FAM117B: variants seen among roughly 807,000 people sequenced by gnomAD.
FAM117B encodes the protein family with sequence similarity 117 member B.
FAM117B carries 22 observed loss-of-function variants against 52.8 expected under a neutral mutation model. That is an observed-to-expected ratio of 0.42 (90% CI 0.30 to 0.59). The LOEUF is 0.59. Ranked by LOEUF, FAM117B falls within the 20% of genes least tolerant of loss-of-function variation. The pLI, the probability that FAM117B is intolerant of heterozygous loss-of-function variation, is 0.22. For missense variants in FAM117B, 678 were observed against 802.6 expected (o/e 0.84, Z 1.88); for synonymous variants, 309 against 324.1 (o/e 0.95, Z 0.50).
chr2:202,744,571 GC>G (rs1472251459), intron 4 of FAM117B, among the ~76,000 whole-genome samples: 1 of 152,062 alleles, frequency 6.6e-6, no homozygotes, highest in African/African-American at 2.4e-5. Flanking sequence ...AAGTTTTTCA[GC>G]CAAAACTTTA....
At chr2:202,724,335 G>A (rs539948419) in intron 2 of FAM117B, among the ~76,000 whole-genome samples, 19 of 152,204 alleles carry the variant, frequency 1.2e-4, no homozygotes, top group Non-Finnish European at 2.1e-4. Context: ...GAGCCACCGC[G>A]CCCAGCCAGG....
intron 2 of FAM117B, among the ~76,000 whole-genome samples, chr2:202,722,760 A>G (rs1271892522): frequency 2.0e-5 from 3 of 152,134 alleles, no homozygotes; most frequent in African/African-American, 7.2e-5. Context: ...AATCTGTACA[A>G]CAAACCCCCA....
chr2:202,660,209 C>G (rs904496833), intron 1 of FAM117B, among the ~76,000 whole-genome samples: 10 of 151,912 alleles, frequency 6.6e-5, no homozygotes, highest in Admixed American at 5.9e-4. Flanking sequence ...ATTCCAAAAT[C>G]TGAGCCATCT....
chr2:202,696,172 C>A, intron 2 of FAM117B, 140 bp downstream of exon 2: 2 of 877,010 alleles, frequency 2.3e-6, no homozygotes, highest in Non-Finnish European at 3.2e-6. Context: ...AGAGCAGATT[C>A]CAAGCCTGAC....
chr2:202,667,992 A>T (rs1690230495), intron 1 of FAM117B, among the ~76,000 whole-genome samples: 1 of 150,922 alleles, frequency 6.6e-6, no homozygotes, highest in African/African-American at 2.4e-5. Flanking sequence ...GGAGGCCCAG[A>T]TGGGAAGATT....
chr2:202,722,997 A>G (rs1480376144), intron 2 of FAM117B, among the ~76,000 whole-genome samples: 1 of 152,180 alleles, frequency 6.6e-6, no homozygotes, highest in Non-Finnish European at 1.5e-5. Context: ...GGATCCTAAT[A>G]TGAGAAATTA....
In FAM117B at chr2:202,678,009, T is replaced by G. The variant is rs551480772; in HGVS notation, c.602-17872T>G. ...CAACTCACAAAGCAAAAGAGTTGTT[T>G]GTAGTTCTGGATGATACATCAGGAG... is the stretch of plus-strand genomic sequence containing the variant. On this transcript the variant is annotated intron_variant, in intron 1 of 7. Coordinates refer to ENST00000392238, the MANE Select transcript of FAM117B (RefSeq NM_173511.4). 3.2e-4 allele frequency among the ~76,000 whole-genome samples: 49 copies of G among 152,304 alleles called. 1 individual carries two copies. In the South Asian group the frequency reaches 6.6e-3, roughly 21 times the overall value.
At chr2:202,760,355 A>C (rs1691867415) in intron 7 of FAM117B, among the ~76,000 whole-genome samples, 1 of 152,182 alleles carries the variant, frequency 6.6e-6, no homozygotes, top group Admixed American at 6.5e-5. Flanking sequence ...GCTAGGTCGG[A>C]GTTCCTGCCG....
At chr2:202,687,510 A>G (rs1690559994) in intron 1 of FAM117B, among the ~76,000 whole-genome samples, 1 of 152,184 alleles carries the variant, frequency 6.6e-6, no homozygotes, top group Admixed American at 6.5e-5. Flanking sequence ...GCTGGGCTCA[A>G]GCAATATTCC....
At chr2:202,725,109 G>A (rs536976636) in intron 3 of FAM117B, 100 bp downstream of exon 3, 2 of 843,906 alleles carry the variant, frequency 2.4e-6, no homozygotes, top group East Asian at 5.6e-5. Flanking sequence ...GTTTTCCATT[G>A]ATTTCTTTTT....
intron 1 of FAM117B, among the ~76,000 whole-genome samples, chr2:202,636,030 G>A (rs1689681486): frequency 1.5e-5 from 2 of 137,140 alleles, no homozygotes; most frequent in South Asian, 5.2e-4. Flanking sequence ...CGGCTCCCTG[G>A]TGGTGGAGGT....
At chr2:202,712,253 C>T (rs1690969733) in intron 2 of FAM117B, among the ~76,000 whole-genome samples, 1 of 151,898 alleles carries the variant, frequency 6.6e-6, no homozygotes, top group South Asian at 2.1e-4. Flanking sequence ...AGAGATCTTT[C>T]ACTTCTTTGG....
intron 1 of FAM117B, among the ~76,000 whole-genome samples, chr2:202,668,647 TAAATA>T (rs1400205133): frequency 5.4e-5 from 8 of 146,870 alleles, no homozygotes; most frequent in African/African-American, 1.5e-4. Context: ...AATAAATAAA[TAAATA>T]AAATAAAAGA....
At chr2:202,679,295 A>T (rs1690428009) in intron 1 of FAM117B, among the ~76,000 whole-genome samples, 1 of 152,192 alleles carries the variant, frequency 6.6e-6, no homozygotes, top group South Asian at 2.1e-4. Context: ...CACTGTAGGC[A>T]GGGGGAATCT....
In FAM117B at chr2:202,690,257, AAG is replaced by A. The variant is rs1405651324; in HGVS notation, c.602-5623_602-5622del. ...TTTTATTTACTTTGAATTAACCAAA[AAG>A]CATGTGAATTTATTGCATACACTTG... On this transcript the variant is annotated intron_variant, in intron 1 of 7. Coordinates refer to ENST00000392238, the MANE Select transcript of FAM117B (RefSeq NM_173511.4). Among the ~76,000 whole-genome samples the A allele has an allele frequency of 7.9e-5, 12 of 152,344 alleles. No individual in the cohort carries two copies. The South Asian group carries it at 2.3e-3, about 29-fold the overall frequency.
intron 7 of FAM117B, 52 bp from the exon 8 acceptor site, chr2:202,765,394 A>G: frequency 3.3e-6 from 4 of 1,222,316 alleles, no homozygotes; most frequent in Non-Finnish European, 4.3e-6. Context: ...TTTTTTTTTT[A>G]TTTTTTAAGT....
intron 2 of FAM117B, among the ~76,000 whole-genome samples, chr2:202,717,842 G>A (rs1048252725): frequency 2.0e-5 from 3 of 152,206 alleles, no homozygotes; most frequent in African/African-American, 7.2e-5. Context: ...GGGCTCTGCA[G>A]TTAGTAGGTG....
chr2:202,742,277 G>A (rs768109821), intron 4 of FAM117B, among the ~76,000 whole-genome samples: 19 of 152,192 alleles, frequency 1.2e-4, no homozygotes, highest in Non-Finnish European at 2.5e-4. Flanking sequence ...AGGGCAGCTA[G>A]CGTTACCAGA....
chr2:202,665,758 G>C (rs1464318633), intron 1 of FAM117B, among the ~76,000 whole-genome samples: 1 of 152,102 alleles, frequency 6.6e-6, no homozygotes, highest in Non-Finnish European at 1.5e-5. Context: ...ATGCCACCAT[G>C]CCTGGCTAAT....
Sources: allele counts gnomAD v4.1 joint callset (sites outside exome capture counted in the v4.1 genomes callset), GRCh38; gene constraint gnomAD v4.1.1; transcripts MANE v1.5; gene names NCBI Gene and HGNC (gene_info 2026-07-23, HGNC 2026-07-21).